CCDC6: variants seen among roughly 807,000 people sequenced by gnomAD.
CCDC6 encodes the protein coiled-coil domain-containing protein 6.
In CCDC6, 20 loss-of-function variants were observed where a neutral mutation model predicts 56.6. The ratio of observed to expected loss-of-function variants is 0.35; its 90% confidence interval spans 0.25 to 0.51. The LOEUF is 0.51. Ranked by LOEUF, CCDC6 falls within the 20% of genes least tolerant of loss-of-function variation. CCDC6 has a pLI of 0.95. For missense variants in CCDC6, 367 were observed against 601.1 expected (o/e 0.61, Z 4.07); for synonymous variants, 241 against 234.4 (o/e 1.03, Z -0.26).
chr10:59,889,289 G>A (rs1048895695), intron 1 of CCDC6, among the ~76,000 whole-genome samples: 1 of 152,226 alleles, frequency 6.6e-6, no homozygotes, highest in Non-Finnish European at 1.5e-5. Flanking sequence ...TTCTATGGGA[G>A]GGGCTTCTGA....
chr10:59,819,457 T>C (rs923248370), intron 3 of CCDC6, among the ~76,000 whole-genome samples: 6 of 152,196 alleles, frequency 3.9e-5, no homozygotes, highest in African/African-American at 1.2e-4. Flanking sequence ...TAATTTCCCC[T>C]GAAGTTCTTT....
At chr10:59,892,196 CAGAG>C (rs1379283233) in intron 1 of CCDC6, among the ~76,000 whole-genome samples, 1 of 152,226 alleles carries the variant, frequency 6.6e-6, no homozygotes, top group East Asian at 1.9e-4. Context: ...AAGTCTCTAT[CAGAG>C]AGGCCAGTTT....
chr10:59,821,054 C>T (rs2070746076), intron 3 of CCDC6, among the ~76,000 whole-genome samples: 1 of 151,908 alleles, frequency 6.6e-6, no homozygotes, highest in South Asian at 2.1e-4. Context: ...AAAGTGCTGA[C>T]CTGGGGGTAC....
At chr10:59,860,118 G>A (rs1362392050) in intron 1 of CCDC6, among the ~76,000 whole-genome samples, 1 of 152,080 alleles carries the variant, frequency 6.6e-6, no homozygotes, top group Admixed American at 6.6e-5. Flanking sequence ...AGCCACTCTG[G>A]GTGGAACAGT....
intron 3 of CCDC6, 135 bp downstream of exon 3, chr10:59,832,390 G>C: frequency 1.4e-6 from 1 of 711,424 alleles, no homozygotes; most frequent in Non-Finnish European, 2.3e-6. Context: ...GCTCACTTTA[G>C]AAATGAAGTC....
intron 7 of CCDC6, among the ~76,000 whole-genome samples, chr10:59,797,588 CAAAAAAAAA>C (rs10561094): frequency 9.5e-5 from 3 of 31,606 alleles, no homozygotes; most frequent in African/African-American, 1.5e-4. Context: ...AACCTCCTAG[CAAAAAAAAA>C]AAAAAAAAAA....
At chr10:59,875,102 G>A (rs751941990) in intron 1 of CCDC6, among the ~76,000 whole-genome samples, 2 of 152,178 alleles carry the variant, frequency 1.3e-5, no homozygotes, top group Non-Finnish European at 2.9e-5. Context: ...GTCATGATAC[G>A]TGTTCAGTTG....
chr10:59,850,531 T>G (rs1255810464), intron 2 of CCDC6, among the ~76,000 whole-genome samples: 2 of 152,160 alleles, frequency 1.3e-5, no homozygotes, highest in Non-Finnish European at 2.9e-5. Context: ...CTACGCCCTT[T>G]CTTTTGGCTG....
At chr10:59,894,371 G>T (rs904077567) in intron 1 of CCDC6, among the ~76,000 whole-genome samples, 1 of 152,146 alleles carries the variant, frequency 6.6e-6, no homozygotes, top group Non-Finnish European at 1.5e-5. Flanking sequence ...TCATTACTCA[G>T]CCCCTACTTC....
At chr10:59,815,689 A>C (rs1458837532) in intron 3 of CCDC6, among the ~76,000 whole-genome samples, 1 of 152,202 alleles carries the variant, frequency 6.6e-6, no homozygotes, top group Non-Finnish European at 1.5e-5. Flanking sequence ...AATAATTAAA[A>C]ATTTTTTCTT....
intron 1 of CCDC6, among the ~76,000 whole-genome samples, chr10:59,883,138 C>A (rs1368605370): frequency 6.6e-6 from 1 of 152,068 alleles, no homozygotes; most frequent in African/African-American, 2.4e-5. Context: ...GGTCCATTGC[C>A]CACTGTGGTC....
chr10:59,810,289 C>G (rs1269976867), intron 5 of CCDC6, among the ~76,000 whole-genome samples: 1 of 152,202 alleles, frequency 6.6e-6, no homozygotes, highest in Non-Finnish European at 1.5e-5. Context: ...CCAATCACTG[C>G]AAGCAGCTAA....
At position 59,855,444 on chromosome 10, in the gene CCDC6, G is replaced by A. The variant is rs530968445; in HGVS notation, c.304-2742C>T. On this transcript the variant is annotated intron_variant, in intron 1 of 8. Coordinates refer to ENST00000263102, the MANE Select transcript of CCDC6 (RefSeq NM_005436.5). ...TAGCTGAGCATGGTGGTGAGCGCCT[G>A]TAATCCCAGCTACTCGGGAGGCTGA... Among the ~76,000 whole-genome samples, 106 of 152,280 alleles carry A rather than the reference G, an allele frequency of 7.0e-4. 2 individuals carry two copies. In the South Asian group the frequency reaches 0.02, roughly 29 times the overall value.
chr10:59,819,472 G>T (rs1048249073), intron 3 of CCDC6, among the ~76,000 whole-genome samples: 3 of 152,114 alleles, frequency 2.0e-5, no homozygotes, highest in Non-Finnish European at 4.4e-5. Context: ...TTCTTTATCA[G>T]TTTCCCCACC....
At chr10:59,901,113 T>C (rs1261130227) in intron 1 of CCDC6, among the ~76,000 whole-genome samples, 5 of 152,012 alleles carry the variant, frequency 3.3e-5, no homozygotes, top group African/African-American at 7.3e-5. Context: ...ATGAAACACA[T>C]AGAAGATACT....
At chr10:59,868,746 A>T (rs2071199741) in intron 1 of CCDC6, among the ~76,000 whole-genome samples, 1 of 152,160 alleles carries the variant, frequency 6.6e-6, no homozygotes, top group Non-Finnish European at 1.5e-5. Flanking sequence ...GGTACATGCT[A>T]AGCAGAGCCA....
intron 1 of CCDC6, 96 bp from the exon 2 acceptor site, chr10:59,852,798 G>A: frequency 9.7e-7 from 1 of 1,035,282 alleles, no homozygotes; most frequent in Non-Finnish European, 1.3e-6. Context: ...TCCAGAAAGG[G>A]TACCCATTTT....
intron 1 of CCDC6, among the ~76,000 whole-genome samples, chr10:59,892,204 C>T (rs1174795610): frequency 6.6e-6 from 1 of 152,172 alleles, no homozygotes; most frequent in Non-Finnish European, 1.5e-5. Context: ...ATCAGAGAGG[C>T]CAGTTTTGAC....
chr10:59,902,788 A>G (rs2071514175), intron 1 of CCDC6, among the ~76,000 whole-genome samples: 1 of 152,210 alleles, frequency 6.6e-6, no homozygotes. Flanking sequence ...TTATAAAACT[A>G]AACATACTCT....
Sources: gnomAD v4.1 joint callset for allele counts (sites outside exome capture counted in the v4.1 genomes callset) on GRCh38, gnomAD v4.1.1 for gene constraint, MANE v1.5 for transcripts, NCBI Gene and HGNC (gene_info 2026-07-23, HGNC 2026-07-21) for gene names.